Variants in SCYL1 observed in about 807,000 individuals in gnomAD.
SCYL1 encodes the protein N-terminal kinase-like protein.
In SCYL1, 85 loss-of-function variants were observed where a neutral mutation model predicts 94.8. The observed-to-expected ratio is 0.90, with a 90% confidence interval of 0.75 to 1.07. The LOEUF is 1.07. Among genes scored for constraint, SCYL1 ranks in the 50% least tolerant of loss-of-function variants. The pLI is 0.00. For missense variants in SCYL1, 968 were observed against 1,083.3 expected (o/e 0.89, Z 1.49); for synonymous variants, 459 against 435.5 (o/e 1.05, Z -0.67).
At chr11:65,527,227 G>T in intron 6 of SCYL1, 110 bp downstream of exon 6, 1 of 1,253,620 alleles carries the variant, frequency 8.0e-7, no homozygotes, top group Non-Finnish European at 1.1e-6. Flanking sequence ...ATGGACTGTG[G>T]AGTTAGGCCA....
intron 7 of SCYL1, 104 bp from the exon 8 acceptor site, chr11:65,531,472 T>A: frequency 3.8e-6 from 3 of 795,082 alleles, no homozygotes; most frequent in Non-Finnish European, 6.4e-6. Context: ...CCCTCCGCCA[T>A]CACTTCATTC....
In SCYL1 at chr11:65,526,161, T is replaced by C. The variant is rs1418855073; in HGVS notation, c.413T>C (p.Ile138Thr). Residue 138 changes from isoleucine to threonine, a missense_variant, in exon 4 of 18, where the codon ATC becomes ACC. Ile to Thr is a moderately conservative substitution (Grantham distance 89). This residue lies in a region of SCYL1 where 494 missense variants were observed against 619.7 expected (regional missense o/e 0.80). Transcript: ENST00000270176. This position sits in a 1 kb window ranked among gnomAD's most constrained non-coding sequence, Gnocchi z 4.1. ...LSFLVNDCSL[I>T]HNNVCMAAVF... is the part of the protein sequence containing the mutation. The stretch of plus-strand genomic sequence containing the variant: ...TTCCTGGTCAACGACTGCAGCCTCA[T>C]CCACAACAATGTCTGCATGGCCGCC... 2 of 1,613,174 alleles carry C rather than the reference T, an allele frequency of 1.2e-6. No individual in the cohort carries two copies. Among genetic ancestry groups the C allele is most frequent in the Non-Finnish European group, 1.7e-6 (2 of 1,179,986 alleles).
intron 9 of SCYL1, 94 bp from the exon 10 acceptor site, chr11:65,535,133 G>A: frequency 6.6e-7 from 1 of 1,512,108 alleles, no homozygotes; most frequent in Non-Finnish European, 9.0e-7. Flanking sequence ...GCTTTGATGG[G>A]TGTGCTCTGG....
rs909623489 is a variant in SCYL1 at position 65,537,144 on chromosome 11, G to C, written c.1959+16G>C. On this transcript the variant is annotated intron_variant, in intron 14 of 17. Coordinates refer to ENST00000270176, the MANE Select transcript of SCYL1 (RefSeq NM_020680.4). ...CAGCCTGGAGGTGTGTGGGGCTGAG[G>C]GAGCCTCCCCAGGGGACCCCAGCTC... 16 of 1,613,804 alleles carry C rather than the reference G, an allele frequency of 9.9e-6. No individual in the cohort carries two copies. The highest frequency in any genetic ancestry group is 1.1e-5 in the Non-Finnish European group (13 of 1,179,880).
intron 1 of SCYL1, 134 bp from the exon 2 acceptor site, chr11:65,525,440 G>A: frequency 8.4e-7 from 1 of 1,186,798 alleles, no homozygotes; most frequent in Non-Finnish European, 1.1e-6. Context: ...ACCGACAGGC[G>A]GACAGGGCCG....
In SCYL1 at chr11:65,526,196, G is replaced by A. The variant is rs1282350048; in HGVS notation, c.448G>A (p.Asp150Asn). 10 of 1,613,346 alleles carry A rather than the reference G, an allele frequency of 6.2e-6. No homozygotes were observed. Among genetic ancestry groups the A allele is most frequent in the Non-Finnish European group, 6.8e-6 (8 of 1,180,006 alleles). ...NNVCMAAVFV[D>N]RAGEWKLGGL... The stretch of plus-strand genomic sequence containing the variant: ...TGTCTGCATGGCCGCCGTGTTCGTG[G>A]ACCGAGCTGGCGAGTGGAAGCTTGG... Residue 150 changes from aspartate to asparagine, a missense_variant, in exon 4 of 18, where the codon GAC (aspartate) becomes AAC (asparagine). Asp to Asn is a conservative substitution (Grantham distance 23). Coordinates refer to ENST00000270176, the MANE Select transcript of SCYL1 (RefSeq NM_020680.4). The surrounding 1 kb of genome is among the most constrained non-coding windows in gnomAD (Gnocchi z 4.1).
chr11:65,530,039 G>T (rs1427662389), intron 6 of SCYL1, among the ~76,000 whole-genome samples: 2 of 152,304 alleles, frequency 1.3e-5, no homozygotes, highest in Admixed American at 6.5e-5. Flanking sequence ...GGGGTTAGGA[G>T]GACTAAAGGA....
At chr11:65,536,233 C>T in intron 11 of SCYL1, 26 bp from the exon 12 acceptor site, 1 of 1,611,200 alleles carries the variant, frequency 6.2e-7, no homozygotes, top group Non-Finnish European at 8.5e-7. Flanking sequence ...CCCCAGAGAC[C>T]CCAGCTCTGC....
Position 65,527,039 on chromosome 11 carries a change from C to T in SCYL1, c.771C>T (p.Phe257=). The change falls in exon 6 of 18, where the codon TTC becomes TTT. Residue 257 remains phenylalanine (F), a synonymous_variant. Coordinates refer to ENST00000270176, the MANE Select transcript of SCYL1 (RefSeq NM_020680.4). The part of the protein sequence containing the change: ...NPKVRPNPAR[F]LQNCRAPGGF... Reference sequence around the variant, plus strand: ...AGGTGCGTCCCAACCCAGCCCGCTTCCTGCAGAACTGCCGGGCACCTGGTG... The same window carrying T: ...AGGTGCGTCCCAACCCAGCCCGCTTTCTGCAGAACTGCCGGGCACCTGGTG... 1 of 1,613,618 alleles carries T rather than the reference C, an allele frequency of 6.2e-7. No homozygotes were observed.
rs1455034490 is a variant in SCYL1, at chr11:65,538,169, G to A, written c.2234G>A (p.Arg745His). 3 of 1,588,324 alleles carry A rather than the reference G, an allele frequency of 1.9e-6. No homozygotes were observed. Among genetic ancestry groups the A allele is most frequent in the Non-Finnish European group, 2.6e-6 (3 of 1,167,302 alleles). ...GACCCCTTCGCTACCCTGTCTGCAC[G>A]TCCCAGCACCCAGGTACCCAGCACA... ...KGDPFATLSA[R>H]PSTQPRPDSW... The change falls in exon 16 of 18, where the codon CGT becomes CAT. Residue 745 changes from arginine to histidine, a missense_variant. By Grantham distance (29) the Arg-to-His change is conservative. This residue lies in a region of SCYL1 where 474 missense variants were observed against 463.6 expected (regional missense o/e 1.02). Transcript: ENST00000270176.
At chr11:65,535,860 A>G (rs372392724) in intron 10 of SCYL1, 93 bp from the exon 11 acceptor site, 7 of 1,240,126 alleles carry the variant, frequency 5.6e-6, no homozygotes, top group Non-Finnish European at 7.9e-6. Context: ...CTGGGGACCT[A>G]TGGGTGGTCC....
At chr11:65,525,838 C>G in intron 2 of SCYL1, 83 bp from the exon 3 acceptor site, 3 of 1,581,770 alleles carry the variant, frequency 1.9e-6, no homozygotes, top group Non-Finnish European at 2.6e-6. Flanking sequence ...TTTCCTCTTC[C>G]CCATCTCTCC....
chr11:65,528,171 A>G (rs900896696), intron 6 of SCYL1, among the ~76,000 whole-genome samples: 28 of 152,226 alleles, frequency 1.8e-4, no homozygotes, highest in African/African-American at 6.5e-4. Flanking sequence ...AGCCAGGTGC[A>G]GTGGCTCACG....
intron 7 of SCYL1, among the ~76,000 whole-genome samples, 169 bp downstream of exon 7, chr11:65,530,956 A>G (rs1266807718): frequency 6.6e-6 from 1 of 152,044 alleles, no homozygotes; most frequent in Non-Finnish European, 1.5e-5. Context: ...TGGGGAGGAG[A>G]GACTCTGCCG....
In SCYL1 at chr11:65,526,307, C is replaced by T; in HGVS notation, c.559C>T (p.Pro187Ser). 1.2e-6 allele frequency: 2 copies of T among 1,608,940 alleles called. No homozygotes were observed. The highest frequency in any genetic ancestry group is 1.1e-5 in the South Asian group (1 of 90,946). Residue 187 changes from proline to serine, a missense_variant, in exon 4 of 18, where the codon CCG becomes TCG. Pro to Ser is a moderately conservative substitution (Grantham distance 74). Around this residue, in one of 2 missense-constraint regions of SCYL1, gnomAD observed 494 missense variants for 619.7 expected, o/e 0.80. Coordinates refer to ENST00000270176, the MANE Select transcript of SCYL1 (RefSeq NM_020680.4). This position sits in a 1 kb window ranked among gnomAD's most constrained non-coding sequence, Gnocchi z 4.1. ...GIPELEQYDPPELADSSGRVV... is the reference protein window; with the variant it reads ...GIPELEQYDPSELADSSGRVV... ...CCCCGAGCTTGAGCAGTATGACCCC[C>T]CGGAGTTGGCTGACAGCAGTGGCAG...
intron 2 of SCYL1, 63 bp downstream of exon 2, chr11:65,525,777 T>TC: frequency 6.3e-7 from 1 of 1,599,522 alleles, no homozygotes; most frequent in Non-Finnish European, 8.5e-7. Context: ...CACTCCTGTC[T>TC]CCCCTCCTGC....
At chr11:65,533,024 G>A in intron 9 of SCYL1, 1 of 538,960 alleles carries the variant, frequency 1.9e-6, no homozygotes, top group Non-Finnish European at 3.4e-6. Context: ...CAAGCCCCAT[G>A]CTGGGAGGCA....
chr11:65,525,581 G>A lies in SCYL1; in HGVS notation c.119G>A (p.Gly40Asp). Residue 40 changes from glycine to aspartate, a missense_variant, in exon 2 of 18, where the codon GGC (glycine) becomes GAC (aspartate). Gly to Asp is a moderately conservative substitution (Grantham distance 94). Around this residue, in one of 2 missense-constraint regions of SCYL1, gnomAD observed 494 missense variants for 619.7 expected, o/e 0.80. Coordinates refer to ENST00000270176, the MANE Select transcript of SCYL1 (RefSeq NM_020680.4). Reference protein sequence around the residue: ...ALHRGRKKATGSPVSIFVYDV... With the variant: ...ALHRGRKKATDSPVSIFVYDV... ...CCCGCTGCCCTCCCCTAGGCCACAG[G>A]CAGCCCCGTGTCCATCTTCGTCTAT... is the stretch of plus-strand genomic sequence containing the variant. 6.2e-7 allele frequency: 1 copy of A among 1,612,174 alleles called. No homozygotes were observed.
chr11:65,531,063 A>AG (rs1268192502), intron 7 of SCYL1, among the ~76,000 whole-genome samples: 1 of 152,024 alleles, frequency 6.6e-6, no homozygotes, highest in Non-Finnish European at 1.5e-5. Flanking sequence ...CCCAGGGCCC[A>AG]GGGGATTACC....
Sources: allele counts gnomAD v4.1 joint callset (sites outside exome capture counted in the v4.1 genomes callset), GRCh38; gene constraint gnomAD v4.1.1; regional missense constraint gnomAD v4.1.1; non-coding constraint Gnocchi (gnomAD v3.1); transcripts MANE v1.5; gene names NCBI Gene and HGNC (gene_info 2026-07-23, HGNC 2026-07-21).